The following KHK variants were observed in gnomAD, a reference collection of about 807,000 sequenced individuals.
The protein encoded by KHK is ketohexokinase, also known as fructokinase.
KHK carries 37 observed loss-of-function variants against 36.0 expected under a neutral mutation model. That is an observed-to-expected ratio of 1.03 (90% confidence interval 0.79 to 1.35). The LOEUF is 1.35. Among genes scored for constraint, KHK ranks in the 40% most tolerant of loss-of-function variants. The probability of loss-of-function intolerance (pLI) is 0.00; values close to 1 mark genes in which losing one functional copy is unlikely to be tolerated. For missense variants in KHK, 395 were observed against 391.9 expected, an observed-to-expected ratio of 1.01 and a Z score of -0.07; for synonymous variants, 161 against 162.8, an observed-to-expected ratio of 0.99 and a Z score of 0.08.
chr2:27,092,235 G>C lies in KHK; in HGVS notation c.93-97G>C. The C allele has an allele frequency of 3.1e-6, 3 of 957,858 alleles. 1 individual carries two copies. In the South Asian group the frequency reaches 3.8e-5, roughly 12 times the overall value. The allele number at this position is 957,858 out of a possible 1,614,324, so 59.3% of individuals were successfully genotyped here. On this transcript the variant is annotated intron_variant, in intron 1 of 7. Coordinates refer to ENST00000260598, the MANE Select transcript of KHK (RefSeq NM_006488.3). ...ACGTCGGCCTAGATGCTTTCTGAGAGGAGTCCCCAGCTGTTACATTCTGTA... is the reference window on the plus strand; with the variant it reads ...ACGTCGGCCTAGATGCTTTCTGAGACGAGTCCCCAGCTGTTACATTCTGTA...
At position 27,087,195 on chromosome 2, in the gene KHK, A is replaced by G. The variant is rs1242483938; in HGVS notation, c.-65A>G. On this transcript the variant is annotated 5_prime_UTR_variant, in exon 1 of 8. Transcript: ENST00000260598. ...GGGAGCGGGGACACCATCCTCCTGG[A>G]TAAGAGGCAGAGGCCGGGAGGAACC... The G allele has an allele frequency of 9.5e-6, 13 of 1,366,892 alleles. No homozygotes were observed. Among genetic ancestry groups the G allele is most frequent in the Non-Finnish European group, 1.3e-5 (13 of 980,164 alleles). The allele number at this position is 1,366,892 out of a possible 1,614,324, so 84.7% of individuals were successfully genotyped here.
At chr2:27,094,624 G>A (rs936569928) in intron 2 of KHK, 176 bp from the exon 3 acceptor site, 5 of 1,614,088 alleles carry the variant, frequency 3.1e-6, no homozygotes, top group Middle Eastern at 1.6e-4. Context: ...TTGTACAACT[G>A]TCTGTGCCTT....
chr2:27,096,702 C>T (rs1486474425), intron 3 of KHK, 27 bp from the exon 4 acceptor site: 4 of 1,601,614 alleles, frequency 2.5e-6, no homozygotes, highest in Non-Finnish European at 3.4e-6. Context: ...GCTCCTTCTT[C>T]TCTGTCTTTT....
At position 27,099,994 on chromosome 2, in the gene KHK, G is replaced by A. The variant is rs1670710213; in HGVS notation, c.*244G>A. On this transcript the variant is annotated 3_prime_UTR_variant, in exon 8 of 8. Coordinates refer to ENST00000260598, the MANE Select transcript of KHK (RefSeq NM_006488.3). Reference sequence around the variant, plus strand: ...AGCTTCTCCTCTCAATGTCTGAACTGCTCTGGCTGGGCATTCCTGAGGCTC... The same window carrying A: ...AGCTTCTCCTCTCAATGTCTGAACTACTCTGGCTGGGCATTCCTGAGGCTC... The A allele has an allele frequency of 1.9e-5, 15 of 788,944 alleles. No homozygotes were observed. In the Admixed American group the frequency reaches 3.1e-4, roughly 16 times the overall value. The allele number at this position is 788,944 out of a possible 1,614,324, so 48.9% of individuals were successfully genotyped here.
intron 5 of KHK, 148 bp downstream of exon 5, chr2:27,097,797 A>G: frequency 8.8e-7 from 1 of 1,140,126 alleles, no homozygotes; most frequent in Non-Finnish European, 1.3e-6. Context: ...GTTAAAGCAA[A>G]GAAGTAGACC....
intron 2 of KHK, among the ~76,000 whole-genome samples, chr2:27,093,470 C>T (rs1202494891): frequency 6.6e-6 from 1 of 152,198 alleles, no homozygotes; most frequent in African/African-American, 2.4e-5. Context: ...GCTCGACAAA[C>T]ATTTAGAGAG....
At chr2:27,097,759 T>G in intron 5 of KHK, 110 bp downstream of exon 5, 1 of 1,510,242 alleles carries the variant, frequency 6.6e-7, no homozygotes, top group Non-Finnish European at 9.2e-7. Context: ...GTTCCTGGTT[T>G]GGTGGTGTTT....
At position 27,099,529 on chromosome 2, in the gene KHK, G is replaced by A. The variant is rs1360665578; in HGVS notation, c.763G>A (p.Gly255Arg). Residue 255 changes from glycine (G) to arginine (R), a missense_variant, in exon 7 of 8, where the codon GGA (glycine) becomes AGA (arginine). By Grantham distance (125) the Gly-to-Arg change is moderately radical. Transcript: ENST00000260598. ...GCCACCCCGCGTGGTGGATACACTG[G>A]GAGCTGGAGACACCTTCAATGCCTC... ...FPPPRVVDTL[G>R]AGDTFNASVI... 4 of 1,614,202 alleles carry A rather than the reference G, an allele frequency of 2.5e-6. No homozygotes were observed. The South Asian group carries it at 4.4e-5, about 18-fold the overall frequency.
At chr2:27,088,903 T>A (rs530447166) in intron 1 of KHK, among the ~76,000 whole-genome samples, 1 of 152,092 alleles carries the variant, frequency 6.6e-6, no homozygotes, top group Non-Finnish European at 1.5e-5. Context: ...AAGAGGCAGT[T>A]CAAGACTGAA....
chr2:27,090,053 T>C (rs1255092229), intron 1 of KHK, among the ~76,000 whole-genome samples: 2 of 152,196 alleles, frequency 1.3e-5, no homozygotes, highest in East Asian at 1.9e-4. Flanking sequence ...GGTTTCTCCA[T>C]GTTGGTCAGG....
chr2:27,092,244 A>T lies in KHK; in HGVS notation c.93-88A>T. 3 of 1,025,514 alleles carry T rather than the reference A, an allele frequency of 2.9e-6. No individual in the cohort carries two copies. In the Admixed American group the frequency reaches 5.1e-5, roughly 17 times the overall value. 63.5% of individuals were successfully genotyped at this position (1,025,514 alleles called of 1,614,324 possible). ...TAGATGCTTTCTGAGAGGAGTCCCC[A>T]GCTGTTACATTCTGTAGGCCCCTAT... is the stretch of plus-strand genomic sequence containing the variant. On this transcript the variant is annotated intron_variant, in intron 1 of 7. Coordinates refer to ENST00000260598, the MANE Select transcript of KHK (RefSeq NM_006488.3).
rs188844906 is a variant in KHK at position 27,100,690 on chromosome 2, A to G, written c.*940A>G. ...TTTCTTCATCTGTCAAATGGAACCA[A>G]TTCTGCTTGGCTACAGAATTATTGT... On this transcript the variant is annotated 3_prime_UTR_variant, in exon 8 of 8. Coordinates refer to ENST00000260598, the MANE Select transcript of KHK (RefSeq NM_006488.3). 3.5e-5 allele frequency: 39 copies of G among 1,100,190 alleles called. No individual in the cohort carries two copies. The highest frequency in any genetic ancestry group is 3.0e-4 in the East Asian group (5 of 16,702). 68.2% of individuals were successfully genotyped at this position (1,100,190 alleles called of 1,614,324 possible).
In KHK at chr2:27,099,865, G is replaced by A; in HGVS notation, c.*115G>A. 8 of 1,551,120 alleles carry A rather than the reference G, an allele frequency of 5.2e-6. No individual in the cohort carries two copies. The highest frequency in any genetic ancestry group is 1.4e-5 in the African/African-American group (1 of 73,144). On this transcript the variant is annotated 3_prime_UTR_variant, in exon 8 of 8. Transcript: ENST00000260598. The stretch of plus-strand genomic sequence containing the variant: ...CCTGTTCAGGGGACAGATGCAAGCT[G>A]TGGGGAGGACTCTGCCTGTGTCCTG...
chr2:27,094,815 C>T lies in KHK; in HGVS notation c.225C>T (p.Asp75=). Residue 75 remains aspartate (D), a synonymous_variant, in exon 3 of 8, where the codon GAC becomes GAT. Transcript: ENST00000260598. ...PGHVADFLVA[D]FRRRGVDVSQ... ...CCACCCTAAGCTTCCTGGTGGCCGA[C>T]TTCAGGCGGCGGGGCGTGGACGTGT... 1 of 1,614,068 alleles carries T rather than the reference C, an allele frequency of 6.2e-7. No homozygotes were observed. The highest frequency in any genetic ancestry group is 8.5e-7 in the Non-Finnish European group (1 of 1,180,056).
chr2:27,090,145 C>T (rs1669902655), intron 1 of KHK, among the ~76,000 whole-genome samples: 1 of 152,236 alleles, frequency 6.6e-6, no homozygotes, highest in Admixed American at 6.5e-5. Context: ...AGCCACCGCG[C>T]CCAGCCTTTA....
At chr2:27,096,461 G>A (rs1572871632) in intron 3 of KHK, among the ~76,000 whole-genome samples, 1 of 152,164 alleles carries the variant, frequency 6.6e-6, no homozygotes, top group Non-Finnish European at 1.5e-5. Context: ...CAGTCTCCAA[G>A]GCACACAGAC....
rs1670733950 is a variant in KHK, at chr2:27,100,280, A to T, written c.*530A>T. On this transcript the variant is annotated 3_prime_UTR_variant, in exon 8 of 8. Coordinates refer to ENST00000260598, the MANE Select transcript of KHK (RefSeq NM_006488.3). ...GAGTCCACACCGCTGAGCTGAACTG[A>T]CAGGCCAGTGGGGGGCAGGGGTGCG... 1 of 445,866 alleles carries T rather than the reference A, an allele frequency of 2.2e-6. No individual in the cohort carries two copies. The highest frequency in any genetic ancestry group is 4.0e-6 in the Non-Finnish European group (1 of 249,274). The allele number at this position is 445,866 out of a possible 1,614,324, so 27.6% of individuals were successfully genotyped here.
Position 27,100,289 on chromosome 2 carries a change from T to TG in KHK, c.*545dup, listed in dbSNP as rs962366693. ...CCGCTGAGCTGAACTGACAGGCCAG[T>TG]GGGGGGCAGGGGTGCGCCTCCTCTG... is the stretch of plus-strand genomic sequence containing the variant. On this transcript the variant is annotated 3_prime_UTR_variant, in exon 8 of 8. Transcript: ENST00000260598. The TG allele has an allele frequency of 8.3e-6, 4 of 480,822 alleles. No homozygotes were observed. Among genetic ancestry groups the TG allele is most frequent in the African/African-American group, 2.0e-5 (1 of 49,790 alleles). 29.8% of individuals were successfully genotyped at this position (480,822 alleles called of 1,614,324 possible).
At chr2:27,093,838 C>A (rs1441690574) in intron 2 of KHK, among the ~76,000 whole-genome samples, 1 of 152,202 alleles carries the variant, frequency 6.6e-6, no homozygotes, top group Non-Finnish European at 1.5e-5. Flanking sequence ...CAGGCCCATA[C>A]TGAGTGGCAT....
Sources: gnomAD v4.1 joint callset for allele counts (sites outside exome capture counted in the v4.1 genomes callset) on GRCh38, gnomAD v4.1.1 for gene constraint, MANE v1.5 for transcripts, NCBI Gene and HGNC (gene_info 2026-07-23, HGNC 2026-07-21) for gene names.